The following MAGI2 variants were observed in gnomAD, a reference collection of about 807,000 sequenced individuals.
The protein encoded by MAGI2 is membrane-associated guanylate kinase, WW and PDZ domain-containing protein 2.
MAGI2 carries 35 observed loss-of-function variants against 133.3 expected under a neutral mutation model. The observed-to-expected ratio is 0.26, with a 90% CI of 0.20 to 0.35. The LOEUF is 0.35. Ranked by LOEUF, MAGI2 falls within the 10% of genes least tolerant of loss-of-function variation. The pLI, the probability that MAGI2 is intolerant of heterozygous loss-of-function variation, is 1.00. For missense variants in MAGI2, 1,636 were observed against 1,863.4 expected (o/e 0.88, Z 2.25); for synonymous variants, 729 against 710.6 (o/e 1.03, Z -0.41).
chr7:79,053,599 G>A (rs1165595666), intron 1 of MAGI2, among the ~76,000 whole-genome samples: 2 of 152,062 alleles, frequency 1.3e-5, no homozygotes, highest in Non-Finnish European at 2.9e-5. Context: ...AATATGGAAT[G>A]TATCCTAAGT....
intron 6 of MAGI2, among the ~76,000 whole-genome samples, chr7:78,463,880 G>A (rs1268278466): frequency 2.0e-5 from 3 of 152,106 alleles, no homozygotes; most frequent in Non-Finnish European, 2.9e-5. Context: ...ATAGATAATA[G>A]GAAGGAAGGG....
chr7:79,114,983 T>C (rs1427285694), intron 1 of MAGI2, among the ~76,000 whole-genome samples: 1 of 152,220 alleles, frequency 6.6e-6, no homozygotes, highest in East Asian at 1.9e-4. Flanking sequence ...TTTTATTAAC[T>C]TGGTGTATAT....
At position 78,765,975 on chromosome 7, in the gene MAGI2, C is replaced by T. The variant is rs149377927; in HGVS notation, c.419-138736G>A. The stretch of plus-strand genomic sequence containing the variant: ...TCCTGAGAGGGAAGGAAATATGATG[C>T]TTTCTAAGATCTGAAAGAAAGGCTC... On this transcript the variant is annotated intron_variant, in intron 2 of 21. Transcript: ENST00000354212. 1.4e-4 allele frequency among the ~76,000 whole-genome samples: 22 copies of T among 152,292 alleles called. No homozygotes were observed. The East Asian group carries it at 4.3e-3, about 30-fold the overall frequency.
intron 3 of MAGI2, among the ~76,000 whole-genome samples, chr7:78,561,581 G>C (rs1164777027): frequency 6.6e-6 from 1 of 152,194 alleles, no homozygotes; most frequent in Admixed American, 6.5e-5. Flanking sequence ...GAAGACTTTA[G>C]ACCAAGGTGG....
At chr7:78,997,175 T>C (rs1210163740) in intron 2 of MAGI2, among the ~76,000 whole-genome samples, 3 of 152,150 alleles carry the variant, frequency 2.0e-5, no homozygotes, top group Non-Finnish European at 4.4e-5. Context: ...AGAATGGAGA[T>C]ATTGTGCAGA....
intron 6 of MAGI2, among the ~76,000 whole-genome samples, chr7:78,401,136 C>A (rs1796823347): frequency 6.6e-6 from 1 of 151,824 alleles, no homozygotes; most frequent in African/African-American, 2.4e-5. Context: ...GCTTTTAGTC[C>A]CCTTCGCAAA....
At chr7:78,378,993 A>G (rs1794691239) in intron 6 of MAGI2, among the ~76,000 whole-genome samples, 1 of 152,070 alleles carries the variant, frequency 6.6e-6, no homozygotes. Context: ...TGACAATTGA[A>G]TAAGGGCCTC....
At chr7:78,278,143 G>A (rs535663745) in intron 9 of MAGI2, among the ~76,000 whole-genome samples, 260 of 152,246 alleles carry the variant, frequency 1.7e-3, no homozygotes, top group Middle Eastern at 6.8e-3. Context: ...TAGGGTAAGA[G>A]ATGCTTATCC....
intron 7 of MAGI2, among the ~76,000 whole-genome samples, chr7:78,363,954 G>C (rs1793105814): frequency 6.6e-6 from 1 of 152,142 alleles, no homozygotes; most frequent in Non-Finnish European, 1.5e-5. Flanking sequence ...AATAATACTT[G>C]GCATGCACGA....
At chr7:79,296,547 C>T (rs180888855) in intron 1 of MAGI2, among the ~76,000 whole-genome samples, 5 of 152,184 alleles carry the variant, frequency 3.3e-5, no homozygotes, top group African/African-American at 1.2e-4. Flanking sequence ...CATGGATGAA[C>T]CTGGAGGACA....
In MAGI2 at chr7:79,405,921, C is replaced by CAA. The variant is rs34025242; in HGVS notation, c.301+47097_301+47098dup. 3.8e-3 allele frequency among the ~76,000 whole-genome samples: 412 copies of CAA among 107,274 alleles called. 3 individuals carry two copies. The highest frequency in any genetic ancestry group is 0.01 in the African/African-American group (301 of 29,992). The allele number at this position is 107,274 out of a possible 152,430, so 70.4% of individuals were successfully genotyped here. A position where few individuals can be genotyped will look rare whatever the true frequency, so the allele number is the denominator to read the frequency against. On this transcript the variant is annotated intron_variant, in intron 1 of 21. Transcript: ENST00000354212. ...CAAAAATGACCTTGTAACCACAACA[C>CAA]AAAAAAAAAAAAAAAAAAAATGGAG...
At chr7:78,762,414 G>A (rs1325769331) in intron 2 of MAGI2, among the ~76,000 whole-genome samples, 1 of 152,024 alleles carries the variant, frequency 6.6e-6, no homozygotes, top group Non-Finnish European at 1.5e-5. Flanking sequence ...CTGCACTCCA[G>A]CCTGGGCAAC....
chr7:78,517,564 T>C (rs985688819), intron 4 of MAGI2, among the ~76,000 whole-genome samples: 2 of 152,192 alleles, frequency 1.3e-5, no homozygotes, highest in African/African-American at 4.8e-5. Context: ...AGATAATATA[T>C]GTATTATATG....
At chr7:78,741,110 A>G (rs1446636831) in intron 2 of MAGI2, among the ~76,000 whole-genome samples, 1 of 152,168 alleles carries the variant, frequency 6.6e-6, no homozygotes, top group Admixed American at 6.5e-5. Flanking sequence ...GAGATTCTAT[A>G]CACATAAACA....
In MAGI2 at chr7:78,125,835, A is replaced by T; in HGVS notation, c.3426T>A (p.Asp1142Glu). ...YPLSDYRQPQ[D>E]FDYFTVDMEK... The stretch of plus-strand genomic sequence containing the variant: ...CCATGTCCACAGTGAAATAATCAAA[A>T]TCCTTTGGGGTTGGGGAGAAAATGG... Residue 1142 changes from aspartate to glutamate, a missense_variant and splice_region_variant, in exon 20 of 22, where the codon GAT becomes GAA. Asp to Glu is a conservative substitution (Grantham distance 45). Around this residue, in one of 5 missense-constraint regions of MAGI2, gnomAD observed 920 missense variants for 1,093.5 expected, o/e 0.84. Coordinates refer to ENST00000354212, the MANE Select transcript of MAGI2 (RefSeq NM_012301.4). 2.5e-6 allele frequency: 4 copies of T among 1,614,012 alleles called. No homozygotes were observed. The South Asian group carries it at 4.4e-5, about 18-fold the overall frequency.
At chr7:79,396,463 CAG>C (rs917502478) in intron 1 of MAGI2, among the ~76,000 whole-genome samples, 4 of 152,092 alleles carry the variant, frequency 2.6e-5, no homozygotes, top group African/African-American at 9.7e-5. Context: ...ACTTTCTCTC[CAG>C]TTTACTTTTT....
At chr7:78,581,584 G>T (rs906968506) in intron 3 of MAGI2, among the ~76,000 whole-genome samples, 1 of 152,088 alleles carries the variant, frequency 6.6e-6, no homozygotes, top group African/African-American at 2.4e-5. Flanking sequence ...ACACAAAAAT[G>T]AACTTCCTTC....
At chr7:78,276,026 C>T (rs574009363) in intron 9 of MAGI2, among the ~76,000 whole-genome samples, 1 of 152,266 alleles carries the variant, frequency 6.6e-6, no homozygotes, top group South Asian at 2.1e-4. Flanking sequence ...GAATTCTACT[C>T]AGGAAACTGA....
chr7:79,152,921 A>G (rs971077229), intron 1 of MAGI2, among the ~76,000 whole-genome samples: 8 of 152,204 alleles, frequency 5.3e-5, no homozygotes, highest in Non-Finnish European at 1.2e-4. Flanking sequence ...AGACAAAACA[A>G]TGATTTGTAA....
Sources: gnomAD v4.1 joint callset for allele counts (sites outside exome capture counted in the v4.1 genomes callset) on GRCh38, gnomAD v4.1.1 for gene constraint, gnomAD v4.1.1 regional missense constraint, MANE v1.5 for transcripts, NCBI Gene and HGNC (gene_info 2026-07-23, HGNC 2026-07-21) for gene names.